Variants in CWC27 observed in about 807,000 individuals in gnomAD.
The protein encoded by CWC27 is CWC27 spliceosome associated cyclophilin.
A neutral mutation model predicts 63.6 loss-of-function variants in CWC27; 47 were observed. That is an observed-to-expected ratio of 0.74 (90% CI 0.58 to 0.94). CWC27 has a LOEUF of 0.94. CWC27 is among the 40% of genes least tolerant of loss of function. CWC27 has a pLI of 0.00. For missense variants in CWC27, 495 were observed against 554.3 expected (o/e 0.89, Z 1.07); for synonymous variants, 175 against 179.8 (o/e 0.97, Z 0.22).
chr5:64,969,372 T>A (rs1456833696), intron 11 of CWC27, among the ~76,000 whole-genome samples: 1 of 152,168 alleles, frequency 6.6e-6, no homozygotes, highest in East Asian at 1.9e-4. Flanking sequence ...CCATCACAAT[T>A]TTCCTTAGAA....
chr5:64,911,547 C>A (rs1235072908), intron 11 of CWC27, among the ~76,000 whole-genome samples: 1 of 152,148 alleles, frequency 6.6e-6, no homozygotes, highest in African/African-American at 2.4e-5. Context: ...AGGCTAAGGG[C>A]CAGTGGAGAA....
At chr5:64,816,240 C>T (rs1343093817) in intron 10 of CWC27, among the ~76,000 whole-genome samples, 2 of 152,082 alleles carry the variant, frequency 1.3e-5, no homozygotes, top group Non-Finnish European at 2.9e-5. Context: ...CAGGTGTCCA[C>T]TCAATTATGC....
chr5:64,844,314 G>A (rs1745918971), intron 10 of CWC27, among the ~76,000 whole-genome samples: 1 of 152,206 alleles, frequency 6.6e-6, no homozygotes, highest in Non-Finnish European at 1.5e-5. Context: ...CATGGATCTT[G>A]ACAGTACCTC....
intron 10 of CWC27, among the ~76,000 whole-genome samples, chr5:64,840,428 T>G (rs1745801215): frequency 9.5e-6 from 1 of 105,238 alleles, no homozygotes; most frequent in Non-Finnish European, 1.9e-5. Flanking sequence ...TATATATATA[T>G]ATACTTATTA....
chr5:64,855,642 G>A (rs1450153676), intron 10 of CWC27, among the ~76,000 whole-genome samples: 1 of 152,060 alleles, frequency 6.6e-6, no homozygotes, highest in African/African-American at 2.4e-5. Flanking sequence ...AGAGGAGTTG[G>A]GGATAATCTG....
chr5:64,988,903 C>G (rs2112456359), intron 13 of CWC27, among the ~76,000 whole-genome samples: 1 of 152,272 alleles, frequency 6.6e-6, no homozygotes, highest in Admixed American at 6.5e-5. Flanking sequence ...CACGCCAAGC[C>G]TAGACTATCT....
chr5:64,927,683 T>G lies in CWC27; in HGVS notation c.1042+42137T>G, dbSNP rs145898234. 2.2e-3 allele frequency among the ~76,000 whole-genome samples: 342 copies of G among 152,274 alleles called. 1 individual carries two copies. Among genetic ancestry groups the G allele is most frequent in the African/African-American group, 7.8e-3 (325 of 41,548 alleles). ...CCTCTGCCTCACCCCTGCTCATTTC[T>G]TCCCTGACCTCAAAGAATTTTTTTA... On this transcript the variant is annotated intron_variant, in intron 11 of 13. Coordinates refer to ENST00000381070, the MANE Select transcript of CWC27 (RefSeq NM_005869.4).
At chr5:64,971,885 C>A in intron 12 of CWC27, 73 bp downstream of exon 12, 2 of 870,894 alleles carry the variant, frequency 2.3e-6, no homozygotes, top group Admixed American at 2.7e-5. Context: ...TAAATGGAGC[C>A]TAATTTGATT....
intron 10 of CWC27, among the ~76,000 whole-genome samples, chr5:64,811,970 G>A (rs1427492500): frequency 6.6e-6 from 1 of 151,816 alleles, no homozygotes; most frequent in Non-Finnish European, 1.5e-5. Flanking sequence ...AATTCTTATG[G>A]AACTTTGGAT....
intron 13 of CWC27, among the ~76,000 whole-genome samples, chr5:64,999,865 G>C (rs1420810217): frequency 6.6e-6 from 1 of 152,096 alleles, no homozygotes; most frequent in African/African-American, 2.4e-5. Context: ...TAGTGGAAAT[G>C]CTGGGTCATA....
chr5:64,894,073 G>A (rs1747308408), intron 11 of CWC27, among the ~76,000 whole-genome samples: 1 of 151,888 alleles, frequency 6.6e-6, no homozygotes, highest in South Asian at 2.1e-4. Flanking sequence ...GGAATTACAG[G>A]AGCCCGCCAC....
rs2112296636 is a variant in CWC27 at position 64,850,943 on chromosome 5, A to G, written c.939-34500A>G. Reference sequence around the variant, plus strand: ...TGTGGAGAAAAGGGAACCCTTGTACACTGTTGGTGGGAATGTAAATTAGTA... The same window carrying G: ...TGTGGAGAAAAGGGAACCCTTGTACGCTGTTGGTGGGAATGTAAATTAGTA... On this transcript the variant is annotated intron_variant, in intron 10 of 13. Coordinates refer to ENST00000381070, the MANE Select transcript of CWC27 (RefSeq NM_005869.4). Among the ~76,000 whole-genome samples the G allele has an allele frequency of 2.0e-5, 3 of 152,318 alleles. No individual in the cohort carries two copies. In the Middle Eastern group the frequency reaches 0.01, roughly 518 times the overall value.
At chr5:64,940,483 C>T (rs1748451538) in intron 11 of CWC27, among the ~76,000 whole-genome samples, 1 of 152,166 alleles carries the variant, frequency 6.6e-6, no homozygotes, top group South Asian at 2.1e-4. Flanking sequence ...CCAGTTACCT[C>T]AGTTGGAAAT....
At chr5:64,873,276 A>G (rs1268671488) in intron 10 of CWC27, among the ~76,000 whole-genome samples, 1 of 152,210 alleles carries the variant, frequency 6.6e-6, no homozygotes, top group Admixed American at 6.5e-5. Flanking sequence ...AAGTCTATTA[A>G]TGTAATATAG....
At chr5:64,798,462 T>C (rs952004965) in intron 7 of CWC27, among the ~76,000 whole-genome samples, 1 of 152,214 alleles carries the variant, frequency 6.6e-6, no homozygotes. Flanking sequence ...AGTAATTAGA[T>C]GACATTTTGC....
chr5:64,899,582 A>G (rs997290424), intron 11 of CWC27, among the ~76,000 whole-genome samples: 2 of 152,254 alleles, frequency 1.3e-5, no homozygotes, highest in Non-Finnish European at 2.9e-5. Context: ...CTATGAACAT[A>G]TTATGAAACA....
intron 10 of CWC27, among the ~76,000 whole-genome samples, chr5:64,812,977 A>C (rs1040316878): frequency 5.3e-5 from 8 of 152,178 alleles, no homozygotes; most frequent in Non-Finnish European, 1.0e-4. Flanking sequence ...ATTTTTGCAA[A>C]TCAAAAACAG....
intron 10 of CWC27, among the ~76,000 whole-genome samples, chr5:64,858,417 G>A (rs970610336): frequency 1.3e-5 from 2 of 150,540 alleles, no homozygotes; most frequent in Non-Finnish European, 3.0e-5. Context: ...AGCCAAGATC[G>A]CCCCACTGCA....
chr5:64,792,679 C>T lies in CWC27; in HGVS notation c.669+3659C>T, dbSNP rs1744125774. Among the ~76,000 whole-genome samples, 5 of 152,228 alleles carry T rather than the reference C, an allele frequency of 3.3e-5. No individual in the cohort carries two copies. The South Asian group carries it at 1.0e-3, about 32-fold the overall frequency. On this transcript the variant is annotated intron_variant, in intron 7 of 13. Transcript: ENST00000381070. ...CCAAAGTCCAACATTATACCCTTTA[C>T]TTTATAACTTATTAATTGTGTAGAG...
Sources: gnomAD v4.1 joint callset for allele counts (sites outside exome capture counted in the v4.1 genomes callset) on GRCh38, gnomAD v4.1.1 for gene constraint, MANE v1.5 for transcripts, NCBI Gene and HGNC (gene_info 2026-07-23, HGNC 2026-07-21) for gene names.